Variants in TRIP4 observed in about 807,000 individuals in gnomAD.
TRIP4 encodes thyroid hormone receptor interactor 4.
TRIP4 carries 54 observed loss-of-function variants against 81.8 expected under a neutral mutation model. The observed-to-expected ratio is 0.66, with a 90% CI of 0.53 to 0.83. The LOEUF is 0.83. Ranked by LOEUF, TRIP4 falls within the 40% of genes least tolerant of loss-of-function variation. The pLI is 0.00. For synonymous variants in TRIP4, 270 were observed against 242.8 expected (o/e 1.11, Z -1.04); for missense variants, 662 against 683.6 (o/e 0.97, Z 0.35).
At chr15:64,400,643 A>G (rs1216933591) in intron 4 of TRIP4, 100 bp from the exon 5 acceptor site, 2 of 861,912 alleles carry the variant, frequency 2.3e-6, no homozygotes, top group Non-Finnish European at 3.7e-6. Flanking sequence ...TCATTATTTT[A>G]TCATCATCTA....
At chr15:64,401,686 T>G (rs1326596122) in intron 5 of TRIP4, among the ~76,000 whole-genome samples, 1 of 152,148 alleles carries the variant, frequency 6.6e-6, no homozygotes, top group East Asian at 1.9e-4. Context: ...TTAATATCCA[T>G]GTGACCATAC....
intron 11 of TRIP4, among the ~76,000 whole-genome samples, chr15:64,442,518 C>T (rs1289164606): frequency 1.3e-5 from 2 of 151,488 alleles, no homozygotes; most frequent in Non-Finnish European, 2.9e-5. Context: ...CTCCTGGGCT[C>T]AAGCAATCCT....
At chr15:64,398,672 G>A (rs1596337318) in intron 4 of TRIP4, among the ~76,000 whole-genome samples, 1 of 151,980 alleles carries the variant, frequency 6.6e-6, no homozygotes, top group East Asian at 1.9e-4. Flanking sequence ...CAAGGGCTAG[G>A]AGCCACTGTG....
chr15:64,402,228 T>C (rs986260141), intron 5 of TRIP4, among the ~76,000 whole-genome samples: 1 of 151,702 alleles, frequency 6.6e-6, no homozygotes, highest in Non-Finnish European at 1.5e-5. Flanking sequence ...TAAGGACATT[T>C]TTTTTTTTTT....
chr15:64,409,529 TAA>T, intron 6 of TRIP4, 82 bp from the exon 7 acceptor site: 1 of 1,315,420 alleles, frequency 7.6e-7, no homozygotes, highest in East Asian at 2.3e-5. Flanking sequence ...TTTGAGATAT[TAA>T]GTTACCTTGA....
At chr15:64,397,983 C>T (rs1900343471) in intron 4 of TRIP4, among the ~76,000 whole-genome samples, 165 bp downstream of exon 4, 2 of 152,052 alleles carry the variant, frequency 1.3e-5, no homozygotes, top group South Asian at 4.1e-4. Flanking sequence ...TCGCTGCAGG[C>T]TCTGCCTCCC....
chr15:64,444,290 A>G (rs935948734), intron 11 of TRIP4, among the ~76,000 whole-genome samples: 4 of 152,088 alleles, frequency 2.6e-5, no homozygotes, highest in South Asian at 2.1e-4. Context: ...CTAACCCCCA[A>G]TTGTTCTTAA....
intron 5 of TRIP4, among the ~76,000 whole-genome samples, chr15:64,401,636 G>A (rs1891511535): frequency 6.6e-6 from 1 of 151,930 alleles, no homozygotes; most frequent in African/African-American, 2.4e-5. Flanking sequence ...ACATTGAACA[G>A]CAAAATAAAT....
At chr15:64,438,442 C>T (rs1412671316) in intron 11 of TRIP4, among the ~76,000 whole-genome samples, 2 of 152,218 alleles carry the variant, frequency 1.3e-5, no homozygotes, top group African/African-American at 4.8e-5. Flanking sequence ...GCCTCAGCCT[C>T]CCAAGTAGCT....
At chr15:64,394,184 T>A in intron 2 of TRIP4, 69 bp downstream of exon 2, 2 of 1,296,528 alleles carry the variant, frequency 1.5e-6, no homozygotes, top group Non-Finnish European at 2.0e-6. Flanking sequence ...TTATTATTAT[T>A]ATTTTTTTTT....
intron 11 of TRIP4, among the ~76,000 whole-genome samples, chr15:64,438,415 G>A (rs1009610914): frequency 6.6e-6 from 1 of 152,150 alleles, no homozygotes; most frequent in African/African-American, 2.4e-5. Flanking sequence ...TGCCTCCCAG[G>A]TTCAAACGAT....
At chr15:64,453,022 C>CA (rs752791472) in intron 12 of TRIP4, among the ~76,000 whole-genome samples, 3 of 151,772 alleles carry the variant, frequency 2.0e-5, no homozygotes, top group Non-Finnish European at 4.4e-5. Context: ...CTATCTCTAC[C>CA]AAAAAATAAA....
At chr15:64,441,649 T>C (rs1324587511) in intron 11 of TRIP4, among the ~76,000 whole-genome samples, 2 of 151,998 alleles carry the variant, frequency 1.3e-5, no homozygotes, top group East Asian at 3.9e-4. Context: ...GCCGGGCACT[T>C]GTAGTCCCAG....
At chr15:64,446,340 C>T (rs1439798113) in intron 12 of TRIP4, among the ~76,000 whole-genome samples, 5 of 151,938 alleles carry the variant, frequency 3.3e-5, no homozygotes, top group African/African-American at 4.8e-5. Context: ...CCACTTCCCA[C>T]ATTTCTCTTC....
chr15:64,451,395 G>A (rs1892753351), intron 12 of TRIP4, among the ~76,000 whole-genome samples: 1 of 151,352 alleles, frequency 6.6e-6, no homozygotes, highest in Non-Finnish European at 1.5e-5. Flanking sequence ...TTACAGGCAT[G>A]AGCCACACCT....
At chr15:64,403,036 A>AT (rs1891546708) in intron 5 of TRIP4, among the ~76,000 whole-genome samples, 1 of 150,434 alleles carries the variant, frequency 6.6e-6, no homozygotes, top group Non-Finnish European at 1.5e-5. Context: ...ATTTTTTTGT[A>AT]TTTTTTTAGT....
At chr15:64,427,071 T>C (rs1892167410) in intron 11 of TRIP4, among the ~76,000 whole-genome samples, 1 of 152,050 alleles carries the variant, frequency 6.6e-6, no homozygotes, top group Admixed American at 6.6e-5. Flanking sequence ...GGAGCCGAAA[T>C]ACTTTAACTT....
chr15:64,447,652 C>T lies in TRIP4; in HGVS notation c.1678+2544C>T, dbSNP rs151296826. On this transcript the variant is annotated intron_variant, in intron 12 of 12. Coordinates refer to ENST00000261884, the MANE Select transcript of TRIP4 (RefSeq NM_016213.5). ...CTTAACTGACACAAATTATTTACTT[C>T]AGACGGTACTCCAGTTGGTGGCCCA... is the stretch of plus-strand genomic sequence containing the variant. Among the ~76,000 whole-genome samples, 9 of 152,322 alleles carry T rather than the reference C, an allele frequency of 5.9e-5. No homozygotes were observed. The East Asian group carries it at 1.7e-3, about 29-fold the overall frequency.
intron 12 of TRIP4, among the ~76,000 whole-genome samples, chr15:64,450,393 G>GAAAAAAAAAAA (rs1005400086): frequency 4.3e-5 from 2 of 46,922 alleles, no homozygotes; most frequent in African/African-American, 6.5e-5. Context: ...CGTCTCAAAA[G>GAAAAAAAAAAA]AAAAAAAAAA....
Sources: gnomAD v4.1 joint callset for allele counts (sites outside exome capture counted in the v4.1 genomes callset) on GRCh38, gnomAD v4.1.1 for gene constraint, MANE v1.5 for transcripts, NCBI Gene and HGNC (gene_info 2026-07-23, HGNC 2026-07-21) for gene names.